The following GNAQ variants were observed in gnomAD, a reference collection of about 807,000 sequenced individuals.
GNAQ encodes guanine nucleotide-binding protein G(q) subunit alpha.
In GNAQ, 8 loss-of-function variants were observed where a neutral mutation model predicts 43.9. The observed-to-expected ratio is 0.18, with a 90% confidence interval of 0.11 to 0.33. The LOEUF (loss-of-function observed/expected upper bound fraction) is 0.33, where lower values mean the gene tolerates loss of function less well. Ranked by LOEUF, GNAQ falls within the 10% of genes least tolerant of loss-of-function variation. The pLI is 1.00. For synonymous variants in GNAQ, 155 were observed against 170.7 expected, an observed-to-expected ratio of 0.91 and a Z score of 0.71; for missense variants, 158 against 450.8, an observed-to-expected ratio of 0.35 and a Z score of 5.88.
intron 1 of GNAQ, among the ~76,000 whole-genome samples, chr9:78,007,119 G>A (rs1262394256): frequency 6.6e-6 from 1 of 152,116 alleles, no homozygotes; most frequent in African/African-American, 2.4e-5. Flanking sequence ...AGTCTTTATG[G>A]TTTCAAGATA....
At chr9:77,916,805 G>A (rs976715533) in intron 2 of GNAQ, among the ~76,000 whole-genome samples, 12 of 151,432 alleles carry the variant, frequency 7.9e-5, no homozygotes, top group African/African-American at 2.9e-4. Flanking sequence ...ATTGGCCCAA[G>A]GTGAGGCGGA....
intron 1 of GNAQ, among the ~76,000 whole-genome samples, chr9:77,935,213 A>C (rs1015295017): frequency 6.6e-6 from 1 of 152,208 alleles, no homozygotes; most frequent in Non-Finnish European, 1.5e-5. Context: ...TGTACAAGCA[A>C]GCCAAACCTC....
At chr9:77,857,979 C>G (rs1023411166) in intron 2 of GNAQ, among the ~76,000 whole-genome samples, 1 of 151,838 alleles carries the variant, frequency 6.6e-6, no homozygotes, top group Admixed American at 6.6e-5. Context: ...ACAGAGCTGT[C>G]AGCTCTGTTT....
chr9:77,785,791 C>G (rs1437246560), intron 5 of GNAQ, among the ~76,000 whole-genome samples: 3 of 151,778 alleles, frequency 2.0e-5, no homozygotes, highest in Non-Finnish European at 4.4e-5. Context: ...ATTTTGTACC[C>G]CAAAATATGA....
At chr9:77,946,437 A>G (rs2118359891) in intron 1 of GNAQ, among the ~76,000 whole-genome samples, 1 of 152,300 alleles carries the variant, frequency 6.6e-6, no homozygotes, top group South Asian at 2.1e-4. Flanking sequence ...TTAAGATTCC[A>G]CATTTCCAAA....
chr9:77,816,848 T>C (rs116295687), intron 2 of GNAQ, among the ~76,000 whole-genome samples: 1,857 of 152,318 alleles, frequency 0.012, 38 homozygotes, highest in African/African-American at 0.041. Context: ...GTGATCCATG[T>C]TAGGCCTTTA....
intron 1 of GNAQ, among the ~76,000 whole-genome samples, chr9:77,983,504 C>T (rs1823394488): frequency 6.6e-6 from 1 of 152,158 alleles, no homozygotes; most frequent in Non-Finnish European, 1.5e-5. Flanking sequence ...TGGCCTTGAG[C>T]CTCTTCGAAG....
intron 1 of GNAQ, among the ~76,000 whole-genome samples, chr9:77,931,255 AT>A (rs371648959): frequency 6.6e-6 from 1 of 151,196 alleles, no homozygotes; most frequent in African/African-American, 2.4e-5. Flanking sequence ...GCAGGTCCGC[AT>A]TTCCATCCCT....
At chr9:77,923,303 G>T (rs1587412035) in intron 1 of GNAQ, among the ~76,000 whole-genome samples, 1 of 152,068 alleles carries the variant, frequency 6.6e-6, no homozygotes. Context: ...TCCCTCTCCC[G>T]ATTCTTGACT....
chr9:77,870,500 G>T (rs1418424677), intron 2 of GNAQ, among the ~76,000 whole-genome samples: 1 of 151,648 alleles, frequency 6.6e-6, no homozygotes, highest in African/African-American at 2.4e-5. Context: ...CTAATTTTTT[G>T]TATTTTTAGT....
intron 1 of GNAQ, among the ~76,000 whole-genome samples, chr9:77,977,460 AAAC>A (rs1028887771): frequency 1.3e-5 from 2 of 152,172 alleles, no homozygotes; most frequent in Non-Finnish European, 2.9e-5. Flanking sequence ...CTTGAAAAAA[AAAC>A]AACAGCAGCT....
intron 5 of GNAQ, among the ~76,000 whole-genome samples, chr9:77,732,278 G>A (rs918759337): frequency 1.3e-5 from 2 of 152,060 alleles, no homozygotes; most frequent in African/African-American, 2.4e-5. Context: ...AGGTTTAAAG[G>A]CAGTCTGGGG....
At chr9:77,828,417 C>T (rs956712874) in intron 2 of GNAQ, among the ~76,000 whole-genome samples, 1 of 152,096 alleles carries the variant, frequency 6.6e-6, no homozygotes, top group East Asian at 1.9e-4. Flanking sequence ...GTAGTAGGGC[C>T]TCAGACTTTC....
intron 3 of GNAQ, among the ~76,000 whole-genome samples, chr9:77,808,366 T>C (rs971741733): frequency 1.3e-4 from 19 of 150,326 alleles, no homozygotes; most frequent in African/African-American, 4.7e-4. Flanking sequence ...GCTTTTTGTT[T>C]GTTGTTTTAC....
At chr9:77,881,109 C>T (rs1374602581) in intron 2 of GNAQ, among the ~76,000 whole-genome samples, 3 of 152,150 alleles carry the variant, frequency 2.0e-5, no homozygotes, top group African/African-American at 7.2e-5. Flanking sequence ...GTATATGTCC[C>T]AAGCCCCTGA....
chr9:77,890,673 A>C (rs758931464), intron 2 of GNAQ, among the ~76,000 whole-genome samples: 19 of 152,142 alleles, frequency 1.2e-4, no homozygotes, highest in Non-Finnish European at 2.5e-4. Flanking sequence ...CGGTGAGCCG[A>C]GATCACACCA....
chr9:77,806,148 AAGAG>A (rs958371218), intron 3 of GNAQ, among the ~76,000 whole-genome samples: 3 of 152,230 alleles, frequency 2.0e-5, no homozygotes, highest in African/African-American at 7.2e-5. Flanking sequence ...ATGAGAGAGA[AAGAG>A]AGAAAAGAAA....
chr9:77,788,109 T>C (rs1826512713), intron 5 of GNAQ, among the ~76,000 whole-genome samples: 1 of 152,136 alleles, frequency 6.6e-6, no homozygotes, highest in South Asian at 2.1e-4. Flanking sequence ...ACAAACCATG[T>C]AGTGACAGAT....
intron 2 of GNAQ, among the ~76,000 whole-genome samples, chr9:77,891,000 T>C (rs1025755895): frequency 2.6e-5 from 4 of 152,172 alleles, no homozygotes; most frequent in Non-Finnish European, 5.9e-5. Context: ...GCAAAAGATA[T>C]GGTATAGCAA....
Sources: allele counts gnomAD v4.1 joint callset (sites outside exome capture counted in the v4.1 genomes callset), GRCh38; gene constraint gnomAD v4.1.1; transcripts MANE v1.5; gene names NCBI Gene and HGNC (gene_info 2026-07-23, HGNC 2026-07-21).